The following ANKFN1 variants were observed in gnomAD, a reference collection of about 807,000 sequenced individuals.
The protein encoded by ANKFN1 is ankyrin repeat and fibronectin type-III domain-containing protein 1.
In ANKFN1, 74 loss-of-function variants were observed where a neutral mutation model predicts 108.7. The ratio of observed to expected loss-of-function variants is 0.68; its 90% confidence interval spans 0.56 to 0.83. The LOEUF is 0.83. Among genes scored for constraint, ANKFN1 ranks in the 40% least tolerant of loss-of-function variants. ANKFN1 has a pLI of 0.00. For missense variants in ANKFN1, 1,505 were observed against 1,382.3 expected (o/e 1.09, Z -1.41); for synonymous variants, 547 against 516.2 (o/e 1.06, Z -0.81).
rs569767008 is a variant in ANKFN1 at position 56,459,172 on chromosome 17, G to A, written c.1557+1193G>A. On this transcript the variant is annotated intron_variant, in intron 14 of 20. Coordinates refer to ENST00000682825, the MANE Select transcript of ANKFN1 (RefSeq NM_001370326.1). ...GTCTCCCAGGCTGGAGTTCAGTGCC[G>A]TGATCTTGGCTCACTGCAACCTCTG... is the stretch of plus-strand genomic sequence containing the variant. 9.7e-4 allele frequency among the ~76,000 whole-genome samples: 148 copies of A among 152,112 alleles called. 1 individual carries two copies. Among genetic ancestry groups the A allele is most frequent in the African/African-American group, 3.3e-3 (135 of 41,486 alleles).
At chr17:56,214,395 CAA>C (rs1915272662) in intron 2 of ANKFN1, among the ~76,000 whole-genome samples, 1 of 152,088 alleles carries the variant, frequency 6.6e-6, no homozygotes. Flanking sequence ...CAAAATTTGT[CAA>C]AGAGTAGGAA....
intron 8 of ANKFN1, among the ~76,000 whole-genome samples, chr17:56,391,062 T>C (rs1031415151): frequency 6.6e-6 from 1 of 151,312 alleles, no homozygotes; most frequent in Non-Finnish European, 1.5e-5. Context: ...AATTTGACCA[T>C]CACTGCATGT....
At chr17:56,216,939 TA>T (rs1003714178) in intron 2 of ANKFN1, among the ~76,000 whole-genome samples, 2 of 151,876 alleles carry the variant, frequency 1.3e-5, no homozygotes, top group African/African-American at 4.8e-5. Flanking sequence ...GGATGTGAAA[TA>T]AAAGGAAGAA....
chr17:56,141,869 C>G (rs1907937433), intron 4 of ANKFN1, among the ~76,000 whole-genome samples: 1 of 151,752 alleles, frequency 6.6e-6, no homozygotes, highest in Admixed American at 6.6e-5. Flanking sequence ...GCACTTCTAA[C>G]CACACATCAG....
chr17:56,387,339 A>C (rs752562091), intron 8 of ANKFN1, among the ~76,000 whole-genome samples: 3 of 152,202 alleles, frequency 2.0e-5, no homozygotes, highest in Non-Finnish European at 2.9e-5. Context: ...CAAAAAGTTT[A>C]AAATGTGGTG....
intron 12 of ANKFN1, 131 bp downstream of exon 12, chr17:56,457,091 G>A: frequency 8.7e-7 from 1 of 1,147,136 alleles, no homozygotes; most frequent in Non-Finnish European, 1.2e-6. Flanking sequence ...CTGAGAATTT[G>A]TGTAAGACAG....
intron 4 of ANKFN1, among the ~76,000 whole-genome samples, chr17:56,064,627 C>T (rs1905031584): frequency 6.6e-6 from 1 of 152,224 alleles, no homozygotes; most frequent in Admixed American, 6.5e-5. Flanking sequence ...CAATAGATGC[C>T]ACCTTTCCCC....
intron 11 of ANKFN1, among the ~76,000 whole-genome samples, chr17:56,449,670 TG>T (rs2049419319): frequency 6.6e-6 from 1 of 152,190 alleles, no homozygotes; most frequent in African/African-American, 2.4e-5. Context: ...ATCCTCATTT[TG>T]GTAATTACCA....
At chr17:56,290,165 T>A (rs1218766306) in intron 3 of ANKFN1, among the ~76,000 whole-genome samples, 4 of 152,180 alleles carry the variant, frequency 2.6e-5, no homozygotes, top group Non-Finnish European at 4.4e-5. Context: ...CCTTGCTCCC[T>A]TTTTACCTTC....
intron 3 of ANKFN1, among the ~76,000 whole-genome samples, chr17:56,311,395 G>A (rs2045021978): frequency 6.6e-6 from 1 of 152,202 alleles, no homozygotes; most frequent in Admixed American, 6.5e-5. Context: ...TACAGGTTGA[G>A]CATCCCTAAT....
intron 1 of ANKFN1, among the ~76,000 whole-genome samples, chr17:56,209,823 C>CA (rs2143804251): frequency 6.6e-6 from 1 of 152,112 alleles, no homozygotes; most frequent in East Asian, 1.9e-4. Context: ...ACCCCTCTCC[C>CA]ACCTTTTCCC....
At chr17:56,410,561 C>T (rs11079229) in intron 8 of ANKFN1, among the ~76,000 whole-genome samples, 94,882 of 152,014 alleles carry the variant, frequency 0.62, 31,167 homozygotes, top group East Asian at 0.96. Context: ...TTTCTTTTAG[C>T]AATTTTGAAA....
At position 56,355,982 on chromosome 17, in the gene ANKFN1, A is replaced by C. The variant is rs139500039; in HGVS notation, c.601+1936A>C. 4.6e-3 allele frequency among the ~76,000 whole-genome samples: 696 copies of C among 152,234 alleles called. 3 individuals are homozygous for C. The highest frequency in any genetic ancestry group is 0.03 in the East Asian group (156 of 5,156). On this transcript the variant is annotated intron_variant, in intron 6 of 20. Transcript: ENST00000682825. ...CTCTTCTCAGCTCTTGACAACCATG[A>C]ACCTACCTTCTGTTTCTATAGATTT...
chr17:56,220,691 AGGAAAGGAAAG>A (rs1362788999), intron 2 of ANKFN1, among the ~76,000 whole-genome samples: 1 of 142,264 alleles, frequency 7.0e-6, no homozygotes, highest in African/African-American at 3.0e-5. Context: ...AGGAAAAGAA[AGGAAAGGAAAG>A]GGAAAGGGAA....
intron 1 of ANKFN1, among the ~76,000 whole-genome samples, chr17:56,201,409 T>C (rs1222261626): frequency 6.6e-6 from 1 of 152,222 alleles, no homozygotes; most frequent in Non-Finnish European, 1.5e-5. Context: ...TAGTGGCCCA[T>C]ATCCTCACAA....
chr17:56,474,605 G>A (rs951453887), intron 15 of ANKFN1, among the ~76,000 whole-genome samples: 1 of 152,108 alleles, frequency 6.6e-6, no homozygotes, highest in African/African-American at 2.4e-5. Context: ...GACTTCTCCA[G>A]TTCTCCATGA....
At chr17:56,206,247 C>T (rs1914525132) in intron 1 of ANKFN1, among the ~76,000 whole-genome samples, 1 of 151,976 alleles carries the variant, frequency 6.6e-6, no homozygotes, top group African/African-American at 2.4e-5. Context: ...GTGTAATTGT[C>T]ATATTATTAT....
intron 8 of ANKFN1, among the ~76,000 whole-genome samples, chr17:56,385,935 T>C (rs911027021): frequency 1.3e-5 from 2 of 152,186 alleles, no homozygotes; most frequent in African/African-American, 4.8e-5. Flanking sequence ...GATCTAGAAC[T>C]AGAAATGCCA....
intron 3 of ANKFN1, among the ~76,000 whole-genome samples, chr17:56,261,770 A>G (rs1300682374): frequency 6.6e-6 from 1 of 152,134 alleles, no homozygotes; most frequent in Non-Finnish European, 1.5e-5. Flanking sequence ...GATGGTGCCC[A>G]CCCGGACTGA....
Sources: gnomAD v4.1 joint callset for allele counts (sites outside exome capture counted in the v4.1 genomes callset) on GRCh38, gnomAD v4.1.1 for gene constraint, MANE v1.5 for transcripts, NCBI Gene and HGNC (gene_info 2026-07-23, HGNC 2026-07-21) for gene names.